PRKCE: variants seen among roughly 807,000 people sequenced by gnomAD.
PRKCE encodes protein kinase C epsilon type.
A neutral mutation model predicts 85.4 loss-of-function variants in PRKCE; 16 were observed. That is an observed-to-expected ratio of 0.19 (90% confidence interval 0.13 to 0.28). The LOEUF (loss-of-function observed/expected upper bound fraction) is 0.28. Ranked by LOEUF, PRKCE falls within the 10% of genes least tolerant of loss-of-function variation. The probability of loss-of-function intolerance (pLI) is 1.00; values close to 1 mark genes in which losing one functional copy is unlikely to be tolerated. For synonymous variants in PRKCE, 388 were observed against 371.5 expected (o/e 1.04, Z -0.51); for missense variants, 573 against 975.2 (o/e 0.59, Z 5.49).
At chr2:45,758,541 A>G (rs1684192082) in intron 1 of PRKCE, among the ~76,000 whole-genome samples, 1 of 151,872 alleles carries the variant, frequency 6.6e-6, no homozygotes, top group Admixed American at 6.6e-5. Flanking sequence ...CTCCTGCCTC[A>G]CTCCCTCACA....
chr2:45,756,762 T>C (rs1684038097), intron 1 of PRKCE, among the ~76,000 whole-genome samples: 1 of 152,108 alleles, frequency 6.6e-6, no homozygotes, highest in South Asian at 2.1e-4. Context: ...TTTTGGAAAA[T>C]GCAAGCTAAT....
At chr2:45,684,522 A>T (rs947878143) in intron 1 of PRKCE, among the ~76,000 whole-genome samples, 1 of 152,252 alleles carries the variant, frequency 6.6e-6, no homozygotes, top group African/African-American at 2.4e-5. Flanking sequence ...CACTACATTG[A>T]GAGGCATTTG....
chr2:46,163,753 C>A, intron 14 of PRKCE, among the ~76,000 whole-genome samples: 1 of 143,388 alleles, frequency 7.0e-6, no homozygotes, highest in Non-Finnish European at 1.5e-5. Flanking sequence ...AGGCGTACCC[C>A]ACAGAGGCCA....
chr2:46,104,836 C>T (rs1444542397), intron 11 of PRKCE, among the ~76,000 whole-genome samples: 3 of 152,086 alleles, frequency 2.0e-5, no homozygotes, highest in South Asian at 2.1e-4. Context: ...GAAAGACTGG[C>T]GGCTGGGGTT....
intron 10 of PRKCE, among the ~76,000 whole-genome samples, chr2:46,012,439 A>G (rs1705765256): frequency 6.6e-6 from 1 of 152,096 alleles, no homozygotes; most frequent in Non-Finnish European, 1.5e-5. Context: ...AGGGACTCCC[A>G]AGGTAGTGGG....
At chr2:45,739,160 C>T (rs1682337132) in intron 1 of PRKCE, among the ~76,000 whole-genome samples, 1 of 152,332 alleles carries the variant, frequency 6.6e-6, no homozygotes, top group East Asian at 1.9e-4. Flanking sequence ...ATTTTAGGAA[C>T]CTACAGAATG....
At chr2:45,901,018 A>T (rs1215788300) in intron 2 of PRKCE, among the ~76,000 whole-genome samples, 3 of 152,202 alleles carry the variant, frequency 2.0e-5, no homozygotes, top group African/African-American at 4.8e-5. Context: ...TGCCTCACAT[A>T]TGTGGGATGG....
chr2:45,765,060 G>A (rs77416270), intron 1 of PRKCE, among the ~76,000 whole-genome samples: 1,668 of 152,188 alleles, frequency 0.011, 31 homozygotes, highest in African/African-American at 0.038. Context: ...AATGCCAGCC[G>A]CTCAAAAACC....
chr2:45,744,403 C>CTTTCT (rs1553397535), intron 1 of PRKCE, among the ~76,000 whole-genome samples: 74 of 150,748 alleles, frequency 4.9e-4, no homozygotes, highest in Non-Finnish European at 7.5e-4. Context: ...GTCTTTCTCT[C>CTTTCT]TTTCTTTTCT....
intron 4 of PRKCE, 28 bp from the exon 5 acceptor site, chr2:45,980,268 T>G: frequency 2.5e-6 from 4 of 1,597,244 alleles, no homozygotes; most frequent in Non-Finnish European, 2.5e-6. Context: ...TGAGTGTCAT[T>G]CAGCCTTCCT....
intron 9 of PRKCE, among the ~76,000 whole-genome samples, chr2:46,009,562 A>G (rs1705485001): frequency 6.6e-6 from 1 of 152,222 alleles, no homozygotes; most frequent in African/African-American, 2.4e-5. Flanking sequence ...ACACTTCTAC[A>G]TTGCTAGTGG....
chr2:46,116,060 A>G (rs1375806548), intron 11 of PRKCE, among the ~76,000 whole-genome samples: 3 of 152,140 alleles, frequency 2.0e-5, no homozygotes, highest in Non-Finnish European at 4.4e-5. Flanking sequence ...GGCTTATGGG[A>G]TTTTGGAGTG....
chr2:45,695,552 C>T (rs979639943), intron 1 of PRKCE, among the ~76,000 whole-genome samples: 6 of 152,200 alleles, frequency 3.9e-5, no homozygotes, highest in Non-Finnish European at 2.9e-5. Flanking sequence ...GTGGGTGGAT[C>T]ATTTGAGGTC....
At chr2:45,970,600 C>T (rs1702045612) in intron 2 of PRKCE, among the ~76,000 whole-genome samples, 1 of 151,958 alleles carries the variant, frequency 6.6e-6, no homozygotes, top group Non-Finnish European at 1.5e-5. Flanking sequence ...TATGGCAACC[C>T]CATGAGCTCT....
intron 11 of PRKCE, among the ~76,000 whole-genome samples, chr2:46,116,650 G>A (rs1672797775): frequency 1.3e-5 from 2 of 152,072 alleles, no homozygotes; most frequent in Non-Finnish European, 1.5e-5. Context: ...CCAAGTTCAT[G>A]GTTTATACAT....
intron 14 of PRKCE, among the ~76,000 whole-genome samples, chr2:46,167,372 GGATGGTGTT>G (rs529962036): frequency 5.4e-4 from 82 of 152,170 alleles, no homozygotes; most frequent in Non-Finnish European, 7.2e-4. Flanking sequence ...GTGAACACTT[GGATGGTGTT>G]GATGGTGTTG....
At chr2:45,984,761 C>A in intron 6 of PRKCE, 81 bp downstream of exon 6, 2 of 1,520,718 alleles carry the variant, frequency 1.3e-6, no homozygotes, top group Non-Finnish European at 1.8e-6. Flanking sequence ...TTATAAAAAA[C>A]CCTTGTCTGA....
At chr2:46,005,709 G>A (rs1705130416) in intron 8 of PRKCE, among the ~76,000 whole-genome samples, 1 of 152,090 alleles carries the variant, frequency 6.6e-6, no homozygotes, top group Non-Finnish European at 1.5e-5. Context: ...AAGAGCTTCG[G>A]GGGTCATGCA....
intron 1 of PRKCE, among the ~76,000 whole-genome samples, chr2:45,803,280 A>G (rs1201612521): frequency 6.6e-6 from 1 of 152,214 alleles, no homozygotes; most frequent in Non-Finnish European, 1.5e-5. Context: ...AGCCGTGACC[A>G]TTTCACACCA....
Sources: gnomAD v4.1 joint callset for allele counts (sites outside exome capture counted in the v4.1 genomes callset) on GRCh38, gnomAD v4.1.1 for gene constraint, MANE v1.5 for transcripts, NCBI Gene and HGNC (gene_info 2026-07-23, HGNC 2026-07-21) for gene names.